The following SVEP1 variants were observed in gnomAD, a reference collection of about 807,000 sequenced individuals.
SVEP1 encodes sushi, von Willebrand factor type A, EGF and pentraxin domain containing 1, also known as sushi, von Willebrand factor type A, EGF and pentraxin domain-containing protein 1.
SVEP1 carries 164 observed loss-of-function variants against 367.3 expected under a neutral mutation model. That is an observed-to-expected ratio of 0.45 (90% CI 0.39 to 0.51). The LOEUF is 0.51. SVEP1 is among the 20% of genes least tolerant of loss of function. The pLI, the probability that SVEP1 is intolerant of heterozygous loss-of-function variation, is 0.00. For missense variants in SVEP1, 4,117 were observed against 4,425.3 expected, an observed-to-expected ratio of 0.93 and a Z score of 1.98; for synonymous variants, 1,666 against 1,611.6, an observed-to-expected ratio of 1.03 and a Z score of -0.81.
chr9:110,433,714 G>A lies in SVEP1; in HGVS notation c.5059+622C>T, dbSNP rs117664924. The stretch of plus-strand genomic sequence containing the variant: ...TTGAACTCTTGGGCTCAAGCGATCC[G>A]CCCGTCTTGGCCTCCCAAAGTGCTG... On this transcript the variant is annotated intron_variant, in intron 30 of 47. Transcript: ENST00000374469. 1.3e-4 allele frequency among the ~76,000 whole-genome samples: 19 copies of A among 151,856 alleles called. No individual in the cohort carries two copies. In the East Asian group the frequency reaches 3.3e-3, roughly 26 times the overall value.
At chr9:110,366,855 C>T (rs1827209729) in intron 47 of SVEP1, among the ~76,000 whole-genome samples, 2 of 152,166 alleles carry the variant, frequency 1.3e-5, no homozygotes, top group African/African-American at 4.8e-5. Flanking sequence ...GGGTTTGGAG[C>T]TAATGAACCT....
chr9:110,575,516 A>G (rs1188031404), intron 1 of SVEP1, among the ~76,000 whole-genome samples: 1 of 152,196 alleles, frequency 6.6e-6, no homozygotes, highest in African/African-American at 2.4e-5. Context: ...CTACAGCTGC[A>G]AAACTATACC....
At position 110,408,745 on chromosome 9, in the gene SVEP1, C is replaced by T. The variant is rs755958705; in HGVS notation, c.6855G>A (p.Lys2285=). The part of the protein sequence containing the change: ...MKGENFEVGS[K]VQFFCNEGYE... ...AACCCTCATTACAGAAAAACTGAAC[C>T]TTGGACCCTACTTCAAAGTTTTCTC... Residue 2285 remains lysine (K), a synonymous_variant, in exon 38 of 48, where the codon AAG becomes AAA. Transcript: ENST00000374469. The T allele has an allele frequency of 6.2e-7, 1 of 1,613,836 alleles. No individual in the cohort carries two copies. The highest frequency in any genetic ancestry group is 8.5e-7 in the Non-Finnish European group (1 of 1,179,896).
intron 3 of SVEP1, among the ~76,000 whole-genome samples, chr9:110,532,452 A>G (rs1564169411): frequency 6.6e-6 from 1 of 152,154 alleles, no homozygotes; most frequent in Non-Finnish European, 1.5e-5. Flanking sequence ...GCATGAGGGT[A>G]TTCTAGGCAA....
intron 18 of SVEP1, among the ~76,000 whole-genome samples, chr9:110,465,315 C>A (rs1464368687): frequency 6.6e-6 from 1 of 151,428 alleles, no homozygotes; most frequent in Non-Finnish European, 1.5e-5. Flanking sequence ...AAAAGAAAAC[C>A]AATTCCCAGC....
At chr9:110,528,187 T>TATATATATATATATGC (rs1263820117) in intron 3 of SVEP1, among the ~76,000 whole-genome samples, 2 of 139,512 alleles carry the variant, frequency 1.4e-5, no homozygotes, top group Admixed American at 1.4e-4. Flanking sequence ...TATATATATA[T>TATATATATATATATGC]GCCACATTTT....
Position 110,457,267 on chromosome 9 carries a change from A to G in SVEP1, c.3662T>C (p.Leu1221Pro). ...LGRGYVCLCP[L>P]GYTGLKCETD... ...TCTTGGTTATTTACCTGTATATCCA[A>G]GTGGACAGAGACAAACATAACCACG... is the stretch of plus-strand genomic sequence containing the variant. The change falls in exon 21 of 48, where the codon CTT becomes CCT. Residue 1221 changes from leucine (L) to proline (P), a missense_variant. Leu to Pro is a moderately conservative substitution (Grantham distance 98). This residue lies in a region of SVEP1 where 2,174 missense variants were observed against 2,494.3 expected (regional missense o/e 0.87). Transcript: ENST00000374469. The G allele has an allele frequency of 6.2e-7, 1 of 1,608,586 alleles. No individual in the cohort carries two copies. The highest frequency in any genetic ancestry group is 8.5e-7 in the Non-Finnish European group (1 of 1,178,452).
intron 40 of SVEP1, among the ~76,000 whole-genome samples, chr9:110,392,503 C>T (rs1188638633): frequency 2.0e-5 from 3 of 152,072 alleles, no homozygotes; most frequent in Non-Finnish European, 4.4e-5. Context: ...TGGTTGTCTC[C>T]ATTTTTTGTG....
intron 3 of SVEP1, among the ~76,000 whole-genome samples, chr9:110,536,059 C>T (rs1398336385): frequency 1.3e-5 from 2 of 151,364 alleles, no homozygotes; most frequent in Non-Finnish European, 3.0e-5. Context: ...CAAGTATTGT[C>T]CTCATTCAGT....
intron 36 of SVEP1, 140 bp from the exon 37 acceptor site, chr9:110,411,875 G>A (rs1175464583): frequency 2.5e-6 from 2 of 796,750 alleles, no homozygotes; most frequent in Non-Finnish European, 3.7e-6. Flanking sequence ...TGAATACTGA[G>A]CTTATTGATC....
At chr9:110,445,207 G>A (rs1828572313) in intron 26 of SVEP1, among the ~76,000 whole-genome samples, 1 of 152,176 alleles carries the variant, frequency 6.6e-6, no homozygotes, top group South Asian at 2.1e-4. Context: ...AAATAATGTG[G>A]ACAGTTGGCC....
intron 29 of SVEP1, 88 bp downstream of exon 29, chr9:110,435,153 G>A (rs928465801): frequency 7.5e-6 from 11 of 1,463,826 alleles, no homozygotes; most frequent in African/African-American, 2.8e-5. Flanking sequence ...CGATTGGACC[G>A]ATAGAGAATT....
Position 110,397,598 on chromosome 9 carries a change from T to C in SVEP1, c.9822+3256A>G, listed in dbSNP as rs1052917123. On this transcript the variant is annotated intron_variant, in intron 40 of 47. Coordinates refer to ENST00000374469, the MANE Select transcript of SVEP1 (RefSeq NM_153366.4). ...ATGATTGTATACCTAGAAAACCCCA[T>C]TGTCTCAGCCCAAAATCTCCTTAAG... 2.1e-4 allele frequency among the ~76,000 whole-genome samples: 32 copies of C among 152,046 alleles called. No individual in the cohort carries two copies. The East Asian group carries it at 3.7e-3, about 17-fold the overall frequency.
intron 22 of SVEP1, among the ~76,000 whole-genome samples, chr9:110,454,158 T>C (rs1828741154): frequency 6.6e-6 from 1 of 152,168 alleles, no homozygotes; most frequent in African/African-American, 2.4e-5. Flanking sequence ...ATTCTGTAGG[T>C]TTTCTGTTTA....
At chr9:110,369,877 T>G in intron 47 of SVEP1, 46 bp downstream of exon 47, 2 of 1,517,726 alleles carry the variant, frequency 1.3e-6, no homozygotes, top group South Asian at 2.4e-5. Context: ...ACTTGAATTT[T>G]AGAGTCTTCA....
chr9:110,388,922 T>A (rs925360044), intron 41 of SVEP1, among the ~76,000 whole-genome samples: 37 of 151,834 alleles, frequency 2.4e-4, no homozygotes, highest in African/African-American at 8.5e-4. Context: ...TGAGCTGAGG[T>A]TGCACTACTG....
Position 110,466,019 on chromosome 9 carries a change from A to G in SVEP1, c.3168T>C (p.Cys1056=), listed in dbSNP as rs764358425. 6.8e-6 allele frequency: 11 copies of G among 1,611,842 alleles called. No individual in the cohort carries two copies. The Admixed American group carries it at 1.0e-4, about 15-fold the overall frequency. The part of the protein sequence containing the change: ...SRNISDCKAQ[C]KQGTYSYSGL... ...CACTGTATGAGTAGGTGCCTTGTTT[A>G]CACTGAGCTGAAAAGAAAAAGGTAA... The change falls in exon 18 of 48, where the codon TGT becomes TGC. Residue 1056 remains cysteine, a synonymous_variant. Coordinates refer to ENST00000374469, the MANE Select transcript of SVEP1 (RefSeq NM_153366.4).
At chr9:110,497,388 T>C (rs1330204325) in intron 7 of SVEP1, among the ~76,000 whole-genome samples, 3 of 152,194 alleles carry the variant, frequency 2.0e-5, no homozygotes, top group Non-Finnish European at 1.5e-5. Context: ...CAAGTTCCCA[T>C]AGCCCTCTGG....
intron 3 of SVEP1, among the ~76,000 whole-genome samples, chr9:110,516,038 C>G (rs1376316750): frequency 6.6e-6 from 1 of 151,572 alleles, no homozygotes; most frequent in Non-Finnish European, 1.5e-5. Flanking sequence ...TGTTCTTTAC[C>G]ACTACACGTG....
Sources: gnomAD v4.1 joint callset for allele counts (sites outside exome capture counted in the v4.1 genomes callset) on GRCh38, gnomAD v4.1.1 for gene constraint, gnomAD v4.1.1 regional missense constraint, MANE v1.5 for transcripts, NCBI Gene and HGNC (gene_info 2026-07-23, HGNC 2026-07-21) for gene names.